Variants in CLVS1 observed in about 807,000 individuals in gnomAD.
The protein encoded by CLVS1 is clavesin-1.
In CLVS1, 10 loss-of-function variants were observed where a neutral mutation model predicts 33.1. The ratio of observed to expected loss-of-function variants is 0.30; its 90% CI spans 0.19 to 0.51. The LOEUF (loss-of-function observed/expected upper bound fraction) is 0.51. Ranked by LOEUF, CLVS1 falls within the 20% of genes least tolerant of loss-of-function variation. The pLI is 0.97. For missense variants in CLVS1, 343 were observed against 433.4 expected, an observed-to-expected ratio of 0.79 and a Z score of 1.85; for synonymous variants, 163 against 166.1, an observed-to-expected ratio of 0.98 and a Z score of 0.14.
intron 2 of CLVS1, among the ~76,000 whole-genome samples, chr8:61,369,794 A>T (rs1325607388): frequency 6.6e-6 from 1 of 152,116 alleles, no homozygotes; most frequent in African/African-American, 2.4e-5. Flanking sequence ...CACCTTTCTC[A>T]AGTACAGGCC....
At chr8:61,432,204 A>G (rs1053859429) in intron 3 of CLVS1, among the ~76,000 whole-genome samples, 1 of 152,206 alleles carries the variant, frequency 6.6e-6, no homozygotes, top group African/African-American at 2.4e-5. Context: ...AATGATTTGA[A>G]TTAGCATTAG....
intron 1 of CLVS1, among the ~76,000 whole-genome samples, chr8:61,069,852 G>A (rs910767087): frequency 1.2e-4 from 18 of 151,886 alleles, no homozygotes; most frequent in Non-Finnish European, 2.6e-4. Context: ...GTGCAGTGGC[G>A]CGATCTTGGC....
intron 2 of CLVS1, among the ~76,000 whole-genome samples, chr8:61,205,359 T>C (rs1451892883): frequency 2.0e-5 from 3 of 152,192 alleles, no homozygotes; most frequent in Non-Finnish European, 4.4e-5. Flanking sequence ...CTGTCTCACA[T>C]CAATGGAATC....
chr8:61,434,978 T>A (rs1042725485), intron 3 of CLVS1, among the ~76,000 whole-genome samples: 2 of 152,212 alleles, frequency 1.3e-5, no homozygotes, highest in Non-Finnish European at 2.9e-5. Flanking sequence ...TTTTTCCTTG[T>A]GTCACAATGT....
intron 2 of CLVS1, among the ~76,000 whole-genome samples, chr8:61,157,597 A>G (rs1806675684): frequency 6.6e-6 from 1 of 152,084 alleles, no homozygotes; most frequent in Non-Finnish European, 1.5e-5. Flanking sequence ...AATAAAAAGC[A>G]TCAAGAAATT....
At chr8:61,111,649 CTTCTG>C (rs1805630030) in intron 1 of CLVS1, among the ~76,000 whole-genome samples, 1 of 152,192 alleles carries the variant, frequency 6.6e-6, no homozygotes, top group South Asian at 2.1e-4. Flanking sequence ...TCTTTCTGGT[CTTCTG>C]TTCTGTAAAT....
At chr8:60,985,175 A>G in the CLVS1 span, among the ~76,000 whole-genome samples, 23 of 152,342 alleles carry the variant, frequency 1.5e-4, no homozygotes, top group South Asian at 4.6e-3. Context: ...TGGTCCAAGG[A>G]TTCTGTCACG....
the CLVS1 span, among the ~76,000 whole-genome samples, chr8:60,969,606 C>A: frequency 6.6e-6 from 1 of 152,010 alleles, no homozygotes; most frequent in Non-Finnish European, 1.5e-5. Flanking sequence ...TCCCCTTGGC[C>A]AAGAGGGGGT....
chr8:61,340,344 T>A (rs1811987770), intron 2 of CLVS1, among the ~76,000 whole-genome samples: 1 of 152,166 alleles, frequency 6.6e-6, no homozygotes, highest in Non-Finnish European at 1.5e-5. Context: ...GACCAACATC[T>A]CCCCAGTCCT....
At chr8:61,237,128 TTTA>T (rs1808582652) in intron 2 of CLVS1, among the ~76,000 whole-genome samples, 1 of 152,168 alleles carries the variant, frequency 6.6e-6, no homozygotes, top group Admixed American at 6.5e-5. Flanking sequence ...TAGCTGGACC[TTTA>T]TTATTAAACC....
At chr8:61,020,744 A>G in the CLVS1 span, among the ~76,000 whole-genome samples, 1 of 152,250 alleles carries the variant, frequency 6.6e-6, no homozygotes, top group Non-Finnish European at 1.5e-5. Flanking sequence ...CATGCTTAAC[A>G]TGGTGTCTGT....
intron 2 of CLVS1, among the ~76,000 whole-genome samples, chr8:61,310,541 C>A (rs560672523): frequency 6.6e-6 from 1 of 152,312 alleles, no homozygotes; most frequent in East Asian, 1.9e-4. Context: ...TATCAGTAAG[C>A]AAGACTTCAC....
At chr8:61,487,524 A>T (rs958207016) in intron 5 of CLVS1, among the ~76,000 whole-genome samples, 2 of 152,186 alleles carry the variant, frequency 1.3e-5, no homozygotes, top group South Asian at 2.1e-4. Flanking sequence ...TTCATTCTTC[A>T]GTGGTTTATA....
At chr8:61,145,987 C>G (rs1806407304) in intron 2 of CLVS1, among the ~76,000 whole-genome samples, 1 of 152,218 alleles carries the variant, frequency 6.6e-6, no homozygotes, top group Non-Finnish European at 1.5e-5. Context: ...AGACCAGTTT[C>G]CTTCTATCCC....
intron 3 of CLVS1, among the ~76,000 whole-genome samples, chr8:61,411,674 C>T (rs1165235329): frequency 6.6e-6 from 1 of 152,200 alleles, no homozygotes; most frequent in Non-Finnish European, 1.5e-5. Context: ...TCACAGGTCA[C>T]AGGAGTGGGA....
chr8:61,215,280 G>T (rs1262300605), intron 2 of CLVS1, among the ~76,000 whole-genome samples: 1 of 151,978 alleles, frequency 6.6e-6, no homozygotes, highest in Admixed American at 6.6e-5. Context: ...CTTTAAATGG[G>T]CTATATAAAA....
At position 61,454,172 on chromosome 8, in the gene CLVS1, A is replaced by T; in HGVS notation, c.662A>T (p.His221Leu). 2 of 1,614,094 alleles carry T rather than the reference A, an allele frequency of 1.2e-6. No homozygotes were observed. The highest frequency in any genetic ancestry group is 1.7e-6 in the Non-Finnish European group (2 of 1,179,982). Residue 221 changes from histidine (H) to leucine (L), a missense_variant, in exon 4 of 6, where the codon CAC becomes CTC. This residue lies in a region of CLVS1 where 166 missense variants were observed against 244.0 expected (regional missense o/e 0.68). Transcript: ENST00000325897. The part of the protein sequence containing the change: ...DSFPARFGGV[H>L]FVNQPWYIHA... ...TTTCCTGCCCGCTTTGGAGGAGTCC[A>T]CTTTGTCAACCAGCCCTGGTACATT...
intron 2 of CLVS1, among the ~76,000 whole-genome samples, chr8:61,331,639 G>A (rs1811596924): frequency 6.6e-6 from 1 of 151,826 alleles, no homozygotes; most frequent in Admixed American, 6.6e-5. Flanking sequence ...TTTCACATAG[G>A]GCATAACACT....
intron 1 of CLVS1, among the ~76,000 whole-genome samples, chr8:61,095,008 T>G (rs761913185): frequency 6.6e-6 from 1 of 152,262 alleles, no homozygotes; most frequent in Non-Finnish European, 1.5e-5. Context: ...CATTAGTTAA[T>G]ACTTTGTAAT....
Sources: allele counts gnomAD v4.1 joint callset (sites outside exome capture counted in the v4.1 genomes callset), GRCh38; gene constraint gnomAD v4.1.1; regional missense constraint gnomAD v4.1.1; transcripts MANE v1.5; gene names NCBI Gene and HGNC (gene_info 2026-07-23, HGNC 2026-07-21).